The following RHOBTB1 variants were observed in gnomAD, a reference collection of about 807,000 sequenced individuals.
RHOBTB1 encodes the protein rho-related BTB domain-containing protein 1.
RHOBTB1 carries 40 observed loss-of-function variants against 71.6 expected under a neutral mutation model. The observed-to-expected ratio is 0.56, with a 90% CI of 0.43 to 0.73. The LOEUF is 0.73. Among genes scored for constraint, RHOBTB1 ranks in the 30% least tolerant of loss-of-function variants. The pLI, the probability that RHOBTB1 is intolerant of heterozygous loss-of-function variation, is 0.00. For missense variants in RHOBTB1, 797 were observed against 894.0 expected, an observed-to-expected ratio of 0.89 and a Z score of 1.38; for synonymous variants, 319 against 334.9, an observed-to-expected ratio of 0.95 and a Z score of 0.52.
chr10:60,864,317 C>T, the RHOBTB1 span, among the ~76,000 whole-genome samples: 1 of 152,186 alleles, frequency 6.6e-6, no homozygotes, highest in Admixed American at 6.5e-5. Flanking sequence ...ATGGCCATAA[C>T]ATAGACTCAA....
At chr10:60,997,042 T>C (rs955195296) in intron 1 of RHOBTB1, among the ~76,000 whole-genome samples, 1 of 149,652 alleles carries the variant, frequency 6.7e-6, no homozygotes. Flanking sequence ...ATATCAAGTC[T>C]AGTAGCCACA....
At position 60,877,799 on chromosome 10, in the gene RHOBTB1, AT is replaced by A; in HGVS notation, c.1726+108del. 2.8e-6 allele frequency: 3 copies of A among 1,062,392 alleles called. No individual in the cohort carries two copies. The African/African-American group carries it at 4.8e-5, about 17-fold the overall frequency. 65.8% of individuals were successfully genotyped at this position (1,062,392 alleles called of 1,614,324 possible). A position where few individuals can be genotyped will look rare whatever the true frequency, so the allele number is the denominator to read the frequency against. On this transcript the variant is annotated intron_variant, in intron 8 of 10. Transcript: ENST00000337910. ...ATATCATTCTACACAAGACAGTCCT[AT>A]TTTGGGTGATAAAAAATCAATTTTT...
chr10:60,915,467 A>G lies in RHOBTB1; in HGVS notation c.-10-3915T>C, dbSNP rs184516595. On this transcript the variant is annotated intron_variant, in intron 2 of 10. Coordinates refer to ENST00000337910, the MANE Select transcript of RHOBTB1 (RefSeq NM_014836.5). Reference sequence around the variant, plus strand: ...AAGAAAAAAAAAAGAAAAGCCTGAAAGAATGGACACTGGTAATCTGCTACT... The same window carrying G: ...AAGAAAAAAAAAAGAAAAGCCTGAAGGAATGGACACTGGTAATCTGCTACT... 3.3e-3 allele frequency among the ~76,000 whole-genome samples: 509 copies of G among 152,324 alleles called. 4 individuals are homozygous for G. The highest frequency in any genetic ancestry group is 0.031 in the South Asian group (150 of 4,820).
intron 1 of RHOBTB1, among the ~76,000 whole-genome samples, chr10:60,994,392 C>T (rs1417310738): frequency 6.6e-6 from 1 of 152,160 alleles, no homozygotes; most frequent in Non-Finnish European, 1.5e-5. Flanking sequence ...GACATCTTAT[C>T]TGGGCCAAGC....
intron 2 of RHOBTB1, among the ~76,000 whole-genome samples, chr10:60,982,987 A>G (rs184503765): frequency 1.3e-5 from 2 of 152,240 alleles, no homozygotes; most frequent in African/African-American, 4.8e-5. Flanking sequence ...TGGTCTTTTA[A>G]TCGACAGATT....
upstream of RHOBTB1, among the ~76,000 whole-genome samples, chr10:60,948,850 C>T (rs1370366358): frequency 6.6e-6 from 1 of 152,236 alleles, no homozygotes; most frequent in African/African-American, 2.4e-5. Flanking sequence ...CATATTTATA[C>T]TGCTCATGCT....
At chr10:60,918,719 T>G (rs2083398727) in intron 2 of RHOBTB1, among the ~76,000 whole-genome samples, 1 of 152,050 alleles carries the variant, frequency 6.6e-6, no homozygotes, top group African/African-American at 2.4e-5. Context: ...CTATGTCTCT[T>G]GTTATATTTG....
intron 1 of RHOBTB1, among the ~76,000 whole-genome samples, chr10:60,999,964 C>T (rs1487049034): frequency 6.6e-6 from 1 of 152,122 alleles, no homozygotes; most frequent in East Asian, 1.9e-4. Flanking sequence ...GAACTGAACT[C>T]GTTATTTTGC....
chr10:60,874,747 G>A (rs1390692734), intron 9 of RHOBTB1, among the ~76,000 whole-genome samples: 2 of 152,120 alleles, frequency 1.3e-5, no homozygotes, highest in Admixed American at 6.5e-5. Context: ...CATGGGGGTG[G>A]GGACCGTTTT....
rs893607303 is a variant in RHOBTB1, at chr10:60,944,026, G to A, written c.-117C>T. 1.3e-5 allele frequency: 2 copies of A among 151,720 alleles called. No individual in the cohort carries two copies. The highest frequency in any genetic ancestry group is 2.9e-5 in the Non-Finnish European group (2 of 67,898). 9.4% of individuals were successfully genotyped at this position (151,720 alleles called of 1,614,324 possible). ...CGCCTTCAAGGGCCGGGGGGAGCGG[G>A]GGGGCCCCCGCCACTCAGCAGCAGC... On this transcript the variant is annotated 5_prime_UTR_variant, in exon 1 of 11. Coordinates refer to ENST00000337910, the MANE Select transcript of RHOBTB1 (RefSeq NM_014836.5).
chr10:60,962,142 C>A (rs2085804645), intron 2 of RHOBTB1, among the ~76,000 whole-genome samples: 1 of 151,870 alleles, frequency 6.6e-6, no homozygotes, highest in Admixed American at 6.6e-5. Flanking sequence ...ACCTGAGATC[C>A]AATGATAGGA....
chr10:60,947,224 C>A (rs928088581), upstream of RHOBTB1, among the ~76,000 whole-genome samples: 3 of 152,186 alleles, frequency 2.0e-5, no homozygotes, highest in African/African-American at 4.8e-5. Context: ...ATACTAAAAT[C>A]ATTGCTTGCT....
rs907268381 is a variant in RHOBTB1, at chr10:60,869,800, T to C, written c.*1682A>G. 1 of 152,610 alleles carries C rather than the reference T, an allele frequency of 6.6e-6. No homozygotes were observed. The highest frequency in any genetic ancestry group is 2.4e-5 in the African/African-American group (1 of 41,462). The allele number at this position is 152,610 out of a possible 1,614,324, so 9.5% of individuals were successfully genotyped here. On this transcript the variant is annotated 3_prime_UTR_variant, in exon 11 of 11. Transcript: ENST00000337910. ...TTGAAAATAATTAAGATGGATGCAT[T>C]TGTAACTATCCCTACTCTACTGCCT... is the stretch of plus-strand genomic sequence containing the variant.
chr10:60,862,613 TTCC>T, the RHOBTB1 span, among the ~76,000 whole-genome samples: 1 of 149,498 alleles, frequency 6.7e-6, no homozygotes, highest in Non-Finnish European at 1.5e-5. Flanking sequence ...CTCCTTCCCT[TTCC>T]TTCCTTCCTT....
At chr10:60,891,808 C>A (rs1414035829) in intron 5 of RHOBTB1, among the ~76,000 whole-genome samples, 1 of 152,122 alleles carries the variant, frequency 6.6e-6, no homozygotes, top group Non-Finnish European at 1.5e-5. Flanking sequence ...TTGGCTATGT[C>A]CCCACTCAAA....
intron 4 of RHOBTB1, among the ~76,000 whole-genome samples, chr10:60,899,094 C>A (rs1158213949): frequency 3.3e-5 from 5 of 152,188 alleles, no homozygotes; most frequent in African/African-American, 1.2e-4. Flanking sequence ...CCATTTTCCA[C>A]TCAAAATCTC....
rs369069093 is a variant in RHOBTB1 at position 60,911,365 on chromosome 10, G to A, written c.178C>T (p.Arg60Cys). ...VPTVWAIDQYRVCQEVLERSR... is the reference protein window; with the variant it reads ...VPTVWAIDQYCVCQEVLERSR... ...GTGCATCTTACCTCCTGGCACACGCGGTACTGGTCAATCGCCCACACTGTT... is the reference window on the plus strand; with the variant it reads ...GTGCATCTTACCTCCTGGCACACGCAGTACTGGTCAATCGCCCACACTGTT... Residue 60 changes from arginine to cysteine, a missense_variant, in exon 3 of 11, where the codon CGC (arginine) becomes TGC (cysteine). Arg to Cys is a radical substitution (Grantham distance 180). Around this residue, in one of 2 missense-constraint regions of RHOBTB1, gnomAD observed 139 missense variants for 212.5 expected, o/e 0.65. Coordinates refer to ENST00000337910, the MANE Select transcript of RHOBTB1 (RefSeq NM_014836.5). The A allele has an allele frequency of 2.5e-6, 4 of 1,612,498 alleles. No homozygotes were observed. Among genetic ancestry groups the A allele is most frequent in the Non-Finnish European group, 3.4e-6 (4 of 1,178,854 alleles).
chr10:60,940,552 C>A (rs2084847681), intron 2 of RHOBTB1, among the ~76,000 whole-genome samples: 1 of 152,138 alleles, frequency 6.6e-6, no homozygotes, highest in South Asian at 2.1e-4. Flanking sequence ...AAATGTCATG[C>A]CAAATTATGC....
At chr10:60,949,742 G>A (rs1353464815) in intron 2 of RHOBTB1, among the ~76,000 whole-genome samples, 7 of 143,942 alleles carry the variant, frequency 4.9e-5, no homozygotes, top group African/African-American at 1.8e-4. Context: ...CTAACCTAAT[G>A]GATCTATTCT....
Sources: gnomAD v4.1 joint callset for allele counts (sites outside exome capture counted in the v4.1 genomes callset) on GRCh38, gnomAD v4.1.1 for gene constraint, gnomAD v4.1.1 regional missense constraint, MANE v1.5 for transcripts, NCBI Gene and HGNC (gene_info 2026-07-23, HGNC 2026-07-21) for gene names.